Variants in GSTCD observed in about 807,000 individuals in gnomAD.
The protein encoded by GSTCD is glutathione S-transferase C-terminal domain-containing protein.
Under a neutral mutation model 68.3 loss-of-function variants are expected in GSTCD, and 44 were observed. That is an observed-to-expected ratio of 0.64 (90% CI 0.51 to 0.83). GSTCD has a LOEUF of 0.83. GSTCD is among the 40% of genes least tolerant of loss of function. The probability of loss-of-function intolerance (pLI) is 0.00; values close to 1 mark genes in which losing one functional copy is unlikely to be tolerated. For synonymous variants in GSTCD, 273 were observed against 255.2 expected, an observed-to-expected ratio of 1.07 and a Z score of -0.67; for missense variants, 739 against 735.9, an observed-to-expected ratio of 1.00 and a Z score of -0.05.
At chr4:105,831,414 CT>C (rs1308399048) in intron 8 of GSTCD, among the ~76,000 whole-genome samples, 2 of 152,068 alleles carry the variant, frequency 1.3e-5, no homozygotes, top group Non-Finnish European at 2.9e-5. Context: ...TCTCTGTTTA[CT>C]TCCATATCTA....
chr4:105,776,707 C>T lies in GSTCD; in HGVS notation c.1241-46247C>T, dbSNP rs192419171. On this transcript the variant is annotated intron_variant, in intron 5 of 11. Coordinates refer to ENST00000515279, the MANE Select transcript of GSTCD (RefSeq NM_001370181.1). ...TCCCAATGAGATGAGCCAGGTAGCT[C>T]AGTTGGAAATGCAGAAATCATCCAC... 3.2e-4 allele frequency among the ~76,000 whole-genome samples: 48 copies of T among 152,224 alleles called. No homozygotes were observed. The East Asian group carries it at 7.9e-3, about 25-fold the overall frequency.
intron 10 of GSTCD, among the ~76,000 whole-genome samples, chr4:105,840,768 CTG>C (rs1724301179): frequency 1.3e-5 from 2 of 152,164 alleles, no homozygotes; most frequent in African/African-American, 4.8e-5. Context: ...TTTTCTAAGA[CTG>C]TTAAGCAGAA....
chr4:105,820,806 A>G (rs1723247568), intron 5 of GSTCD, among the ~76,000 whole-genome samples: 1 of 151,904 alleles, frequency 6.6e-6, no homozygotes, highest in Non-Finnish European at 1.5e-5. Context: ...ATGCAGTATT[A>G]GCAAGAAAAA....
intron 5 of GSTCD, among the ~76,000 whole-genome samples, chr4:105,756,623 G>A (rs1045181183): frequency 2.0e-5 from 3 of 148,958 alleles, no homozygotes; most frequent in Non-Finnish European, 4.4e-5. Flanking sequence ...TTATTTCACC[G>A]ATTTTCACTG....
Position 105,708,974 on chromosome 4 carries a change from A to G in GSTCD, c.-64A>G, listed in dbSNP as rs1732414543. Reference sequence around the variant, plus strand: ...GGCGCAGGCGGCCCAGGTCGCCGACACGCTCACGCACCCTCCCTGCCTGGC... The same window carrying G: ...GGCGCAGGCGGCCCAGGTCGCCGACGCGCTCACGCACCCTCCCTGCCTGGC... On this transcript the variant is annotated 5_prime_UTR_variant, in exon 1 of 12. Transcript: ENST00000515279. 6.6e-6 allele frequency: 1 copy of G among 152,560 alleles called. No individual in the cohort carries two copies. Among genetic ancestry groups the G allele is most frequent in the Non-Finnish European group, 1.5e-5 (1 of 68,090 alleles). The allele number at this position is 152,560 out of a possible 1,614,324, so 9.5% of individuals were successfully genotyped here.
At chr4:105,782,697 C>T (rs750870806) in intron 5 of GSTCD, among the ~76,000 whole-genome samples, 26 of 152,064 alleles carry the variant, frequency 1.7e-4, no homozygotes, top group Non-Finnish European at 3.1e-4. Flanking sequence ...ATTCTCATGC[C>T]TCAGGTCCCC....
rs1733154443 is a variant in GSTCD, at chr4:105,729,452, G to GGACTCTT, written c.1196_1202dup (p.Trp402SerfsTer2). 1 of 1,611,926 alleles carries GGACTCTT rather than the reference G, an allele frequency of 6.2e-7. No individual in the cohort carries two copies. The highest frequency in any genetic ancestry group is 1.3e-5 in the African/African-American group (1 of 74,848). The stretch of plus-strand genomic sequence containing the variant: ...TTTTCTCCCCACCCTTGCCCTACTT[G>GGACTCTT]GACTCTTGATTGGAATGTTCTCCCT... On this transcript the variant is annotated frameshift_variant, in exon 5 of 12. Transcript: ENST00000515279. LOFTEE classifies it high-confidence loss of function.
intron 5 of GSTCD, among the ~76,000 whole-genome samples, chr4:105,762,682 A>T (rs928297533): frequency 2.0e-5 from 3 of 152,204 alleles, no homozygotes. Flanking sequence ...TTTTATTTAC[A>T]GACCCACATA....
intron 5 of GSTCD, among the ~76,000 whole-genome samples, chr4:105,763,555 A>T (rs534239919): frequency 9.3e-4 from 142 of 152,220 alleles, no homozygotes; most frequent in Non-Finnish European, 1.7e-3. Flanking sequence ...AGACTGTCTT[A>T]ACCACCATTT....
At chr4:105,799,311 C>T (rs377579014) in intron 5 of GSTCD, among the ~76,000 whole-genome samples, 7 of 152,302 alleles carry the variant, frequency 4.6e-5, no homozygotes, top group South Asian at 4.1e-4. Flanking sequence ...ACTAAAGGAG[C>T]GTTTTTAATT....
intron 10 of GSTCD, among the ~76,000 whole-genome samples, chr4:105,839,243 T>C (rs909923590): frequency 3.9e-5 from 6 of 152,252 alleles, no homozygotes. Flanking sequence ...AACTGTATGA[T>C]TTTGGAAGAA....
At chr4:105,810,505 C>G (rs1005212869) in intron 5 of GSTCD, among the ~76,000 whole-genome samples, 1 of 151,950 alleles carries the variant, frequency 6.6e-6, no homozygotes, top group Non-Finnish European at 1.5e-5. Flanking sequence ...TGTTTTTTTA[C>G]TGGGTATCCA....
At chr4:105,749,005 T>C (rs1047091999) in intron 5 of GSTCD, among the ~76,000 whole-genome samples, 19 of 151,832 alleles carry the variant, frequency 1.3e-4, no homozygotes, top group Non-Finnish European at 2.5e-4. Context: ...TTATAATAGG[T>C]TTTAATGAAA....
chr4:105,738,762 G>A (rs1467001984), intron 5 of GSTCD, among the ~76,000 whole-genome samples: 1 of 152,086 alleles, frequency 6.6e-6, no homozygotes, highest in African/African-American at 2.4e-5. Flanking sequence ...TTTTCTATAT[G>A]TAAGATTGTG....
intron 5 of GSTCD, among the ~76,000 whole-genome samples, chr4:105,799,205 A>G (rs1410010940): frequency 1.3e-5 from 2 of 152,218 alleles, no homozygotes; most frequent in Non-Finnish European, 2.9e-5. Context: ...AGGCGTTTGT[A>G]TAAGGGAATG....
rs1724372384 is a variant in GSTCD at position 105,842,084 on chromosome 4, G to T, written c.1715G>T (p.Arg572Ile). 1.2e-6 allele frequency: 2 copies of T among 1,613,814 alleles called. No individual in the cohort carries two copies. The highest frequency in any genetic ancestry group is 2.7e-5 in the African/African-American group (2 of 74,898). ...TTTTAGGAACACATGATTCTGTGCA[G>T]ATTTGCAGACCAGACAGCTGTCCAG... is the stretch of plus-strand genomic sequence containing the variant. Reference protein sequence around the residue: ...LSYKEHMILCRFADQTAVQLP... With the variant: ...LSYKEHMILCIFADQTAVQLP... Residue 572 changes from arginine to isoleucine, a missense_variant, in exon 11 of 12, where the codon AGA becomes ATA. Transcript: ENST00000515279.
intron 5 of GSTCD, among the ~76,000 whole-genome samples, chr4:105,764,962 G>A (rs747887668): frequency 2.0e-5 from 3 of 152,134 alleles, no homozygotes; most frequent in South Asian, 2.1e-4. Context: ...TTTAGGCAAA[G>A]TACTAGTATG....
At chr4:105,834,163 T>C (rs372988020) in intron 8 of GSTCD, among the ~76,000 whole-genome samples, 14 of 152,338 alleles carry the variant, frequency 9.2e-5, no homozygotes, top group African/African-American at 2.9e-4. Flanking sequence ...ACCAGAGTAA[T>C]AGACTCGAAA....
At chr4:105,837,469 G>A (rs1724170570) in intron 9 of GSTCD, among the ~76,000 whole-genome samples, 1 of 152,096 alleles carries the variant, frequency 6.6e-6, no homozygotes, top group Admixed American at 6.5e-5. Context: ...CACATGGCAT[G>A]CCCCCTCTTC....
Sources: allele counts gnomAD v4.1 joint callset (sites outside exome capture counted in the v4.1 genomes callset), GRCh38; gene constraint gnomAD v4.1.1; transcripts MANE v1.5; gene names NCBI Gene and HGNC (gene_info 2026-07-23, HGNC 2026-07-21).